Variants in COL22A1 observed in about 807,000 individuals in gnomAD.
COL22A1 encodes the protein collagen type XXII alpha 1 chain.
Under a neutral mutation model 248.9 loss-of-function variants are expected in COL22A1, and 221 were observed. The observed-to-expected ratio is 0.89, with a 90% CI of 0.80 to 0.99. The LOEUF (loss-of-function observed/expected upper bound fraction) is 0.99, where lower values mean the gene tolerates loss of function less well. Among genes scored for constraint, COL22A1 ranks in the 50% least tolerant of loss-of-function variants. The pLI, the probability that COL22A1 is intolerant of heterozygous loss-of-function variation, is 0.00. For missense variants in COL22A1, 2,240 were observed against 2,179.0 expected (o/e 1.03, Z -0.56); for synonymous variants, 891 against 793.4 (o/e 1.12, Z -2.07).
intron 12 of COL22A1, among the ~76,000 whole-genome samples, chr8:138,787,542 C>G (rs1047324896): frequency 3.3e-5 from 5 of 152,214 alleles, no homozygotes; most frequent in Non-Finnish European, 7.3e-5. Flanking sequence ...AAATTCAAAA[C>G]AAGCATCAGA....
At chr8:138,653,095 A>G (rs534284013) in intron 45 of COL22A1, among the ~76,000 whole-genome samples, 1 of 152,138 alleles carries the variant, frequency 6.6e-6, no homozygotes, top group Non-Finnish European at 1.5e-5. Flanking sequence ...ATTGCATGTA[A>G]TACTGTACTT....
intron 11 of COL22A1, among the ~76,000 whole-genome samples, chr8:138,801,216 G>A (rs141817583): frequency 4.5e-4 from 69 of 152,316 alleles, no homozygotes; most frequent in African/African-American, 1.6e-3. Flanking sequence ...ACAGATGCAG[G>A]TGTAAATTCT....
intron 31 of COL22A1, 103 bp from the exon 32 acceptor site, chr8:138,700,247 C>G (rs1015615566): frequency 4.0e-6 from 4 of 994,702 alleles, no homozygotes; most frequent in Non-Finnish European, 6.2e-6. Context: ...AGAATACAGC[C>G]CCAAAGCTTC....
rs1235694573 is a variant in COL22A1 at position 138,591,404 on chromosome 8, G to A, written c.4693+20C>T. The A allele has an allele frequency of 6.4e-7, 1 of 1,559,652 alleles. No individual in the cohort carries two copies. Among genetic ancestry groups the A allele is most frequent in the Non-Finnish European group, 8.7e-7 (1 of 1,151,554 alleles). ...AGGGTAGCTCACACCCTACCCCTGA[G>A]ACTGCAGAATGAGTCATACCTGGGA... On this transcript the variant is annotated intron_variant, in intron 64 of 64. Coordinates refer to ENST00000303045, the MANE Select transcript of COL22A1 (RefSeq NM_152888.3).
Position 138,779,527 on chromosome 8 carries a change from C to A in COL22A1, c.1686G>T (p.Pro562=), listed in dbSNP as rs202026472. The change falls in exon 14 of 65, where the codon CCG becomes CCT. Residue 562 remains proline, a synonymous_variant. Coordinates refer to ENST00000303045, the MANE Select transcript of COL22A1 (RefSeq NM_152888.3). ...EPGELGEPGL[P]GEVGMRGPQG... ...CACTCACCCGCATGCCGACCTCACCCGGCAGCCCCGGCTCTCCCAGCTCTC... is the reference window on the plus strand; with the variant it reads ...CACTCACCCGCATGCCGACCTCACCAGGCAGCCCCGGCTCTCCCAGCTCTC... 17 of 1,613,482 alleles carry A rather than the reference C, an allele frequency of 1.1e-5. No individual in the cohort carries two copies. The highest frequency in any genetic ancestry group is 1.4e-5 in the Non-Finnish European group (17 of 1,179,446).
At chr8:138,679,182 T>C (rs1037882681) in intron 40 of COL22A1, among the ~76,000 whole-genome samples, 9 of 152,240 alleles carry the variant, frequency 5.9e-5, no homozygotes, top group African/African-American at 2.2e-4. Flanking sequence ...TTACCTTATA[T>C]GCAGAGGTAG....
intron 24 of COL22A1, 29 bp downstream of exon 24, chr8:138,725,357 GC>G (rs1830217618): frequency 1.2e-6 from 2 of 1,610,676 alleles, no homozygotes; most frequent in African/African-American, 1.3e-5. Context: ...CCATCTAAGA[GC>G]CCCTGTAGAA....
At chr8:138,712,706 A>G (rs5008928) in intron 30 of COL22A1, among the ~76,000 whole-genome samples, 142,347 of 150,328 alleles carry the variant, frequency 0.95, 67,512 homozygotes, top group South Asian at 0.99. Context: ...ACAAACAGAG[A>G]GTGAGGGTTC....
chr8:138,778,573 A>G (rs1310918643), intron 14 of COL22A1, among the ~76,000 whole-genome samples, 167 bp from the exon 15 acceptor site: 1 of 152,044 alleles, frequency 6.6e-6, no homozygotes, highest in Non-Finnish European at 1.5e-5. Flanking sequence ...CACTCCCTCG[A>G]CCTCTGCTTC....
chr8:138,748,895 T>C (rs899681010), intron 22 of COL22A1, among the ~76,000 whole-genome samples: 2 of 152,224 alleles, frequency 1.3e-5, no homozygotes, highest in Non-Finnish European at 2.9e-5. Flanking sequence ...CACCCAAATC[T>C]CATCTTGACT....
At chr8:138,781,967 A>T (rs1392994355) in intron 12 of COL22A1, among the ~76,000 whole-genome samples, 2 of 152,258 alleles carry the variant, frequency 1.3e-5, no homozygotes, top group East Asian at 3.8e-4. Flanking sequence ...TACATACATC[A>T]TCTGATTTAC....
chr8:138,638,185 A>C (rs751871346), intron 47 of COL22A1, among the ~76,000 whole-genome samples: 3 of 152,164 alleles, frequency 2.0e-5, no homozygotes, highest in Non-Finnish European at 4.4e-5. Context: ...ACTATTATCT[A>C]CCTTAGCTCT....
intron 30 of COL22A1, among the ~76,000 whole-genome samples, chr8:138,714,020 C>G (rs981532577): frequency 1.3e-5 from 2 of 152,300 alleles, no homozygotes; most frequent in Non-Finnish European, 2.9e-5. Context: ...TCATCATACT[C>G]TCCAACCTGT....
intron 4 of COL22A1, among the ~76,000 whole-genome samples, chr8:138,836,540 G>A (rs1820444937): frequency 6.6e-6 from 1 of 152,192 alleles, no homozygotes; most frequent in Non-Finnish European, 1.5e-5. Flanking sequence ...CCTTGAATGA[G>A]AACATGATCA....
At chr8:138,757,993 G>A (rs566106217) in intron 18 of COL22A1, among the ~76,000 whole-genome samples, 1 of 152,334 alleles carries the variant, frequency 6.6e-6, no homozygotes, top group Admixed American at 6.5e-5. Flanking sequence ...GTGCTGGGAG[G>A]TGACTTCCAA....
In COL22A1 at chr8:138,698,286, G is replaced by A. The variant is rs537472645; in HGVS notation, c.2592+1826C>T. ...AGCCAGCCGGAACTGAAGCAACGGC[G>A]GTACAGACGCTCCATCCAGTGCGCT... On this transcript the variant is annotated intron_variant, in intron 32 of 64. Transcript: ENST00000303045. 9.9e-5 allele frequency among the ~76,000 whole-genome samples: 15 copies of A among 152,228 alleles called. No homozygotes were observed. In the East Asian group the frequency reaches 1.7e-3, roughly 18 times the overall value.
At chr8:138,824,515 C>A (rs2131775122) in intron 6 of COL22A1, among the ~76,000 whole-genome samples, 1 of 152,316 alleles carries the variant, frequency 6.6e-6, no homozygotes, top group East Asian at 1.9e-4. Context: ...CACAGAGTCT[C>A]TTCTCAAACA....
intron 1 of COL22A1, among the ~76,000 whole-genome samples, chr8:138,894,110 G>C (rs900571146): frequency 1.3e-5 from 2 of 152,204 alleles, no homozygotes; most frequent in African/African-American, 4.8e-5. Flanking sequence ...GCAGAAGGTA[G>C]GAATTCATGG....
At position 138,598,949 on chromosome 8, in the gene COL22A1, C is replaced by A. The variant is rs745414118; in HGVS notation, c.4186-51G>T. 1.8e-5 allele frequency: 28 copies of A among 1,583,644 alleles called. No individual in the cohort carries two copies. The East Asian group carries it at 4.1e-4, about 23-fold the overall frequency. ...ATGTGTCTCAGGGCTGGAAGCTGTACCCCATGCAGCTGCAAAAGGGGTTCC... is the reference window on the plus strand; with the variant it reads ...ATGTGTCTCAGGGCTGGAAGCTGTAACCCATGCAGCTGCAAAAGGGGTTCC... On this transcript the variant is annotated intron_variant, in intron 60 of 64. Coordinates refer to ENST00000303045, the MANE Select transcript of COL22A1 (RefSeq NM_152888.3).
Sources: gnomAD v4.1 joint callset for allele counts (sites outside exome capture counted in the v4.1 genomes callset) on GRCh38, gnomAD v4.1.1 for gene constraint, MANE v1.5 for transcripts, NCBI Gene and HGNC (gene_info 2026-07-23, HGNC 2026-07-21) for gene names.